Variants in PLOD1 observed in about 807,000 individuals in gnomAD.
PLOD1 encodes the protein lysine hydroxylase.
Under a neutral mutation model 94.7 loss-of-function variants are expected in PLOD1, and 70 were observed. The ratio of observed to expected loss-of-function variants is 0.74; its 90% confidence interval spans 0.61 to 0.90. PLOD1 has a LOEUF of 0.90. Among genes scored for constraint, PLOD1 ranks in the 40% least tolerant of loss-of-function variants. PLOD1 has a pLI of 0.00. For missense variants in PLOD1, 905 were observed against 972.7 expected (o/e 0.93, Z 0.93); for synonymous variants, 417 against 400.2 (o/e 1.04, Z -0.50).
In PLOD1 at chr1:11,957,824, C is replaced by T; in HGVS notation, c.742-18C>T. On this transcript the variant is annotated intron_variant, in intron 7 of 18. Transcript: ENST00000196061. The surrounding 1 kb of genome is among the most constrained non-coding windows in gnomAD (Gnocchi z 4.1). ...TGGGGCTGGCTGGCTTCTCTGTGAC[C>T]CCACGTCTCCCCGACAGCTGCAGTT... is the stretch of plus-strand genomic sequence containing the variant. The T allele has an allele frequency of 6.3e-7, 1 of 1,592,838 alleles. No homozygotes were observed. The highest frequency in any genetic ancestry group is 8.6e-7 in the Non-Finnish European group (1 of 1,160,674).
intron 16 of PLOD1, among the ~76,000 whole-genome samples, chr1:11,969,886 C>T (rs1013199166): frequency 9.9e-5 from 15 of 152,152 alleles, no homozygotes; most frequent in African/African-American, 3.1e-4. Context: ...GCAGGAGGAT[C>T]GCTTGAGTCC....
chr1:11,941,926 TG>T (rs758902083), intron 1 of PLOD1, among the ~76,000 whole-genome samples: 6 of 152,042 alleles, frequency 3.9e-5, no homozygotes, highest in South Asian at 2.1e-4. Flanking sequence ...TCAGGTGATC[TG>T]TCCACCTTGG....
At chr1:11,964,383 TC>T in intron 12 of PLOD1, 83 bp downstream of exon 12, 1 of 1,403,344 alleles carries the variant, frequency 7.1e-7, no homozygotes, top group South Asian at 1.2e-5. Context: ...TCCCTATTAT[TC>T]CTGTTCTTGT....
intron 17 of PLOD1, among the ~76,000 whole-genome samples, chr1:11,971,156 G>C: frequency 9.8e-6 from 1 of 101,868 alleles, no homozygotes; most frequent in African/African-American, 3.9e-5. Flanking sequence ...ACTGGAAGGG[G>C]CAGGAGTTGG....
In PLOD1 at chr1:11,966,255, G is replaced by A; in HGVS notation, c.1589G>A (p.Trp530Ter). ...CCTGCTTCCCACTTCCCACAGGACT[G>A]GAAGGAGAAGTACATCCACCAGAAC... ...LWEVFSNPED[W>*]KEKYIHQNYT... The change falls in exon 15 of 19, where the codon TGG becomes TAG. Residue 530 changes from tryptophan (W) to a stop codon, truncating the protein, a stop_gained. Coordinates refer to ENST00000196061, the MANE Select transcript of PLOD1 (RefSeq NM_000302.4). LOFTEE classifies it high-confidence loss of function. The A allele has an allele frequency of 3.7e-6, 6 of 1,604,956 alleles. No homozygotes were observed. The highest frequency in any genetic ancestry group is 5.1e-6 in the Non-Finnish European group (6 of 1,175,582).
At chr1:11,946,311 T>G (rs1645654437) in intron 1 of PLOD1, among the ~76,000 whole-genome samples, 1 of 152,160 alleles carries the variant, frequency 6.6e-6, no homozygotes, top group East Asian at 1.9e-4. Context: ...TGGGGAGTTA[T>G]TTCCAGAAGA....
At chr1:11,973,537 G>A (rs1645881160) in intron 18 of PLOD1, among the ~76,000 whole-genome samples, 2 of 152,022 alleles carry the variant, frequency 1.3e-5, no homozygotes, top group Admixed American at 1.3e-4. Flanking sequence ...ACTTAGCCCT[G>A]GGCTGGGTGC....
intron 2 of PLOD1, among the ~76,000 whole-genome samples, chr1:11,948,885 G>A (rs116428190): frequency 0.024 from 3,725 of 152,290 alleles, 127 homozygotes; most frequent in African/African-American, 0.085. Flanking sequence ...CACAAGGTTG[G>A]GCACTGGCAA....
At chr1:11,973,472 C>G (rs1168049890) in intron 18 of PLOD1, among the ~76,000 whole-genome samples, 8 of 152,056 alleles carry the variant, frequency 5.3e-5, no homozygotes, top group Admixed American at 2.0e-4. Flanking sequence ...TGCACTCCAG[C>G]CTGGGCAACA....
intron 3 of PLOD1, 152 bp downstream of exon 3, chr1:11,950,058 G>A (rs1645688403): frequency 3.4e-6 from 3 of 874,486 alleles, no homozygotes; most frequent in Admixed American, 1.9e-5. Flanking sequence ...TCTTAGTAAA[G>A]CCCATTCCCA....
intron 1 of PLOD1, among the ~76,000 whole-genome samples, chr1:11,935,720 G>A (rs1313485117): frequency 6.6e-6 from 1 of 151,864 alleles, no homozygotes; most frequent in Non-Finnish European, 1.5e-5. Context: ...CACCTCCCAG[G>A]TTCAAGTGTT....
intron 1 of PLOD1, among the ~76,000 whole-genome samples, chr1:11,939,184 C>T (rs1161917412): frequency 1.3e-5 from 2 of 152,054 alleles, no homozygotes; most frequent in Non-Finnish European, 2.9e-5. Context: ...ACAGAAGGGT[C>T]CCAGGAGTCA....
chr1:11,962,568 G>A (rs969192827), intron 10 of PLOD1, among the ~76,000 whole-genome samples: 5 of 151,784 alleles, frequency 3.3e-5, no homozygotes, highest in South Asian at 2.1e-4. Context: ...GAGCCACCAC[G>A]CCCTGCCGAT....
intron 1 of PLOD1, among the ~76,000 whole-genome samples, chr1:11,941,763 C>T (rs1480785961): frequency 2.0e-5 from 3 of 152,020 alleles, no homozygotes; most frequent in Admixed American, 6.6e-5. Context: ...GGATAACAGG[C>T]GTGAGCCACC....
At chr1:11,969,099 T>G (rs1401637160) in intron 16 of PLOD1, among the ~76,000 whole-genome samples, 1 of 149,240 alleles carries the variant, frequency 6.7e-6, no homozygotes, top group Non-Finnish European at 1.5e-5. Flanking sequence ...CTCAGCTCAC[T>G]GCAACCTCCG....
Position 11,972,234 on chromosome 1 carries a change from TTCTC to T in PLOD1, c.1903-630_1903-627del, listed in dbSNP as rs1003562167. The T allele has an allele frequency of 6.7e-6, 1 of 149,968 alleles. No homozygotes were observed. Among genetic ancestry groups the T allele is most frequent in the African/African-American group, 2.5e-5 (1 of 40,128 alleles). The allele number at this position is 149,968 out of a possible 1,614,324, so 9.3% of individuals were successfully genotyped here. ...CCTCTCTCTCTCTCTCTCTCTTTCT[TTCTC>T]TCTCTCTTTCTCTTTCTCTGTCTCT... On this transcript the variant is annotated intron_variant, in intron 17 of 18. Transcript: ENST00000196061. This position sits in a 1 kb window ranked among gnomAD's most constrained non-coding sequence, Gnocchi z 4.6.
At chr1:11,935,830 G>A (rs150400538) in intron 1 of PLOD1, among the ~76,000 whole-genome samples, 2 of 152,228 alleles carry the variant, frequency 1.3e-5, no homozygotes, top group East Asian at 3.9e-4. Flanking sequence ...TCACCATGCT[G>A]GCCAGGCTGG....
chr1:11,949,405 G>A (rs61776489), intron 2 of PLOD1, among the ~76,000 whole-genome samples: 83,929 of 151,696 alleles, frequency 0.55, 24,199 homozygotes, highest in East Asian at 0.71. Context: ...GGACCCACAG[G>A]AGCAAAAAAA....
In PLOD1 at chr1:11,950,513, C is replaced by T. The variant is rs781221516; in HGVS notation, c.459C>T (p.Gly153=). 6 of 1,613,872 alleles carry T rather than the reference C, an allele frequency of 3.7e-6. No homozygotes were observed. Among genetic ancestry groups the T allele is most frequent in the Admixed American group, 3.3e-5 (2 of 60,016 alleles). ...TGTCCGATGGCAAGAGGTTCCTGGG[C>T]TCTGGAGGTGAGAGGCCTGGGTGCA... ...PVVSDGKRFL[G]SGGFIGYAPN... The change falls in exon 4 of 19, where the codon GGC becomes GGT. Residue 153 remains glycine, a synonymous_variant. Transcript: ENST00000196061.
Sources: gnomAD v4.1 joint callset for allele counts (sites outside exome capture counted in the v4.1 genomes callset) on GRCh38, gnomAD v4.1.1 for gene constraint, Gnocchi (gnomAD v3.1) non-coding constraint, MANE v1.5 for transcripts, NCBI Gene and HGNC (gene_info 2026-07-23, HGNC 2026-07-21) for gene names.